The following FRMD6 variants were observed in gnomAD, a reference collection of about 807,000 sequenced individuals.
The protein encoded by FRMD6 is FERM domain containing 6.
FRMD6 carries 37 observed loss-of-function variants against 73.2 expected under a neutral mutation model. That is an observed-to-expected ratio of 0.51 (90% confidence interval 0.39 to 0.66). FRMD6 has a LOEUF of 0.66. FRMD6 is among the 30% of genes least tolerant of loss of function. FRMD6 has a pLI of 0.00. For missense variants in FRMD6, 714 were observed against 780.5 expected (o/e 0.91, Z 1.02); for synonymous variants, 273 against 282.2 (o/e 0.97, Z 0.33).
chr14:51,485,689 C>T (rs908065862), upstream of FRMD6, among the ~76,000 whole-genome samples: 2 of 152,220 alleles, frequency 1.3e-5, no homozygotes, highest in Admixed American at 6.5e-5. Context: ...ATCGTAGTCA[C>T]GCCATCCTTT....
the FRMD6 span, among the ~76,000 whole-genome samples, chr14:51,417,727 A>G: frequency 0.072 from 10,909 of 152,244 alleles, 420 homozygotes; most frequent in South Asian, 0.093. Context: ...GTTCTCCTGG[A>G]TAACATCCTG....
At chr14:51,713,936 C>CT (rs1213971598) in intron 9 of FRMD6, 2 of 152,090 alleles carry the variant, frequency 1.3e-5, no homozygotes, top group Non-Finnish European at 2.9e-5. Flanking sequence ...GGACTTGTTG[C>CT]TTGCTGAATC....
intron 2 of FRMD6, among the ~76,000 whole-genome samples, chr14:51,635,087 A>G (rs2139998006): frequency 6.6e-6 from 1 of 152,228 alleles, no homozygotes; most frequent in Non-Finnish European, 1.5e-5. Context: ...CTTTACCAGT[A>G]TTAAGCAGGC....
intron 2 of FRMD6, among the ~76,000 whole-genome samples, chr14:51,588,768 A>G (rs1291621403): frequency 1.3e-5 from 2 of 152,246 alleles, no homozygotes; most frequent in Admixed American, 1.3e-4. Context: ...TAAATCAAAG[A>G]ACAAAGAGAG....
chr14:51,456,032 T>G, the FRMD6 span, among the ~76,000 whole-genome samples: 167 of 152,310 alleles, frequency 1.1e-3, no homozygotes, highest in Non-Finnish European at 1.6e-3. Flanking sequence ...GAGCAGTTCC[T>G]TGCATCCAGA....
the FRMD6 span, among the ~76,000 whole-genome samples, chr14:51,402,821 G>T: frequency 1.3e-5 from 2 of 151,978 alleles, no homozygotes; most frequent in African/African-American, 4.8e-5. Context: ...TGTATTTTTA[G>T]TAGAGATGGG....
chr14:51,646,524 T>C (rs1892082769), intron 2 of FRMD6, among the ~76,000 whole-genome samples: 2 of 151,822 alleles, frequency 1.3e-5, no homozygotes, highest in African/African-American at 2.4e-5. Flanking sequence ...CTAATGGGAG[T>C]GGAGGGAATT....
At chr14:51,438,529 G>C in the FRMD6 span, among the ~76,000 whole-genome samples, 5 of 152,114 alleles carry the variant, frequency 3.3e-5, no homozygotes, top group African/African-American at 1.2e-4. Flanking sequence ...GTCAAACTTT[G>C]TCACCCTAAC....
intron 2 of FRMD6, among the ~76,000 whole-genome samples, chr14:51,587,325 G>A (rs953584039): frequency 4.6e-5 from 7 of 152,220 alleles, no homozygotes; most frequent in African/African-American, 1.7e-4. Context: ...ATACAGATGA[G>A]GTAGCAGTGA....
intron 2 of FRMD6, among the ~76,000 whole-genome samples, 198 bp downstream of exon 2, chr14:51,690,133 C>A (rs895000733): frequency 6.6e-6 from 1 of 152,126 alleles, no homozygotes; most frequent in Non-Finnish European, 1.5e-5. Context: ...CATTCTCTCA[C>A]CTGGGTTAGA....
intron 1 of FRMD6, among the ~76,000 whole-genome samples, chr14:51,519,380 C>T (rs1340911700): frequency 1.3e-5 from 2 of 152,088 alleles, no homozygotes; most frequent in Non-Finnish European, 2.9e-5. Flanking sequence ...GAACTTCTAA[C>T]CTCGGGTGAC....
At chr14:51,444,398 G>A in the FRMD6 span, among the ~76,000 whole-genome samples, 6 of 152,220 alleles carry the variant, frequency 3.9e-5, no homozygotes, top group South Asian at 4.1e-4. Flanking sequence ...ATGTGGTTGC[G>A]CTGAGAGTTG....
At chr14:51,508,011 TG>T (rs1360899129) in intron 1 of FRMD6, among the ~76,000 whole-genome samples, 1 of 152,158 alleles carries the variant, frequency 6.6e-6, no homozygotes, top group African/African-American at 2.4e-5. Flanking sequence ...CCTCATCCTT[TG>T]CTGTGCCTCC....
intron 11 of FRMD6, 79 bp downstream of exon 11, chr14:51,720,469 T>G: frequency 7.5e-7 from 1 of 1,336,944 alleles, no homozygotes; most frequent in African/African-American, 1.4e-5. Context: ...AACTGGTGTC[T>G]GGAGAGCAAC....
intron 2 of FRMD6, among the ~76,000 whole-genome samples, chr14:51,630,672 A>T (rs1447447812): frequency 2.6e-5 from 4 of 152,204 alleles, no homozygotes; most frequent in Admixed American, 2.0e-4. Context: ...ATTTGAGCCC[A>T]GGAGGTCAAG....
chr14:51,412,721 G>A, the FRMD6 span, among the ~76,000 whole-genome samples: 2 of 151,836 alleles, frequency 1.3e-5, no homozygotes, highest in Admixed American at 1.3e-4. Flanking sequence ...GTGTGGTGGT[G>A]GGCACCTGTA....
chr14:51,662,057 C>T lies in FRMD6; in HGVS notation c.-147+10061C>T, dbSNP rs148222483. On this transcript the variant is annotated intron_variant, in intron 1 of 13. Coordinates refer to ENST00000344768, the MANE Select transcript of FRMD6 (RefSeq NM_001267046.2). ...GTTTGTATATTTTGAAATAGAGAAA[C>T]GGTTCTATGCAGTTTTTTAGTTCTT... Among the ~76,000 whole-genome samples, 1,069 of 152,204 alleles carry T rather than the reference C, an allele frequency of 7.0e-3. 7 individuals are homozygous for T. Among genetic ancestry groups the T allele is most frequent in the South Asian group, 0.032 (154 of 4,822 alleles).
chr14:51,714,288 C>G (rs773179725), intron 9 of FRMD6: 12 of 149,082 alleles, frequency 8.0e-5, no homozygotes, highest in Non-Finnish European at 1.2e-4. Flanking sequence ...ACTGGTAGTT[C>G]CTTTAAAATG....
chr14:51,445,127 C>T, the FRMD6 span, among the ~76,000 whole-genome samples: 1 of 152,154 alleles, frequency 6.6e-6, no homozygotes, highest in Non-Finnish European at 1.5e-5. Flanking sequence ...CATAGATTTG[C>T]TCCCTGCCAA....
Sources: allele counts gnomAD v4.1 joint callset (sites outside exome capture counted in the v4.1 genomes callset), GRCh38; gene constraint gnomAD v4.1.1; transcripts MANE v1.5; gene names NCBI Gene and HGNC (gene_info 2026-07-23, HGNC 2026-07-21).